ARHGAP31: variants seen among roughly 807,000 people sequenced by gnomAD.
ARHGAP31 encodes the protein rho GTPase-activating protein 31.
A neutral mutation model predicts 113.9 loss-of-function variants in ARHGAP31; 34 were observed. That is an observed-to-expected ratio of 0.30 (90% CI 0.23 to 0.40). The LOEUF is 0.40. Among genes scored for constraint, ARHGAP31 ranks in the 10% least tolerant of loss-of-function variants. The pLI, the probability that ARHGAP31 is intolerant of heterozygous loss-of-function variation, is 1.00. For synonymous variants in ARHGAP31, 650 were observed against 684.8 expected (o/e 0.95, Z 0.79); for missense variants, 1,548 against 1,767.1 (o/e 0.88, Z 2.22).
intron 1 of ARHGAP31, among the ~76,000 whole-genome samples, chr3:119,361,788 A>T (rs2080209440): frequency 6.6e-6 from 1 of 152,222 alleles, no homozygotes; most frequent in African/African-American, 2.4e-5. Flanking sequence ...CTAGAGCTGG[A>T]TGATTACACA....
chr3:119,339,611 C>T (rs1184301857), intron 1 of ARHGAP31, among the ~76,000 whole-genome samples: 2 of 152,068 alleles, frequency 1.3e-5, no homozygotes, highest in Admixed American at 1.3e-4. Context: ...GCCGCATCTC[C>T]GACCCCACAC....
At chr3:119,401,533 T>A (rs894090678) in intron 9 of ARHGAP31, among the ~76,000 whole-genome samples, 1 of 152,218 alleles carries the variant, frequency 6.6e-6, no homozygotes, top group African/African-American at 2.4e-5. Context: ...TTAGCAACTT[T>A]AGCAGTAATC....
chr3:119,295,578 C>A lies in ARHGAP31; in HGVS notation c.100+574C>A, dbSNP rs556336506. Among the ~76,000 whole-genome samples the A allele has an allele frequency of 2.5e-3, 381 of 152,174 alleles. 2 individuals are homozygous for A. The highest frequency in any genetic ancestry group is 3.4e-3 in the Non-Finnish European group (231 of 67,998). ...TGCCAAATATATAGTACCTCCACCC[C>A]CTTTCCACAACCCCCTCCCCGCCCT... is the stretch of plus-strand genomic sequence containing the variant. On this transcript the variant is annotated intron_variant, in intron 1 of 11. Coordinates refer to ENST00000264245, the MANE Select transcript of ARHGAP31 (RefSeq NM_020754.4).
intron 1 of ARHGAP31, among the ~76,000 whole-genome samples, chr3:119,345,737 G>A (rs1559974588): frequency 6.6e-6 from 1 of 152,170 alleles, no homozygotes; most frequent in Non-Finnish European, 1.5e-5. Flanking sequence ...GAGCGGACCT[G>A]GACAGGGACC....
Position 119,419,762 on chromosome 3 carries a change from C to T in ARHGAP31, c.*3498C>T, listed in dbSNP as rs934346475. 2 of 152,176 alleles carry T rather than the reference C, an allele frequency of 1.3e-5. No individual in the cohort carries two copies. Among genetic ancestry groups the T allele is most frequent in the African/African-American group, 4.8e-5 (2 of 41,448 alleles). 9.4% of individuals were successfully genotyped at this position (152,176 alleles called of 1,614,324 possible). On this transcript the variant is annotated 3_prime_UTR_variant, in exon 12 of 12. Transcript: ENST00000264245. ...CACAATTGCAAATCCAATAGAACAT[C>T]CCAGTGAGACACTCGGGTATTTGAG...
At chr3:119,390,225 C>A (rs1387801864) in intron 6 of ARHGAP31, among the ~76,000 whole-genome samples, 1 of 152,066 alleles carries the variant, frequency 6.6e-6, no homozygotes, top group African/African-American at 2.4e-5. Flanking sequence ...AGTAAAAAAA[C>A]CACAGGAAAT....
chr3:119,302,887 A>T (rs71325372), intron 1 of ARHGAP31, among the ~76,000 whole-genome samples: 1 of 152,218 alleles, frequency 6.6e-6, no homozygotes, highest in Admixed American at 6.5e-5. Flanking sequence ...ATAACGATGG[A>T]CATTTGCATA....
intron 7 of ARHGAP31, among the ~76,000 whole-genome samples, chr3:119,392,546 C>T (rs1283158574): frequency 6.6e-6 from 1 of 152,238 alleles, no homozygotes; most frequent in Non-Finnish European, 1.5e-5. Context: ...CCACAGATTG[C>T]AGGTTTTCAT....
chr3:119,349,892 T>C (rs944528764), intron 1 of ARHGAP31, among the ~76,000 whole-genome samples: 7 of 152,194 alleles, frequency 4.6e-5, no homozygotes, highest in Admixed American at 2.0e-4. Context: ...CCTGCTTCCA[T>C]TTCCACTATT....
At chr3:119,334,254 C>A (rs896725331) in intron 1 of ARHGAP31, among the ~76,000 whole-genome samples, 1 of 152,178 alleles carries the variant, frequency 6.6e-6, no homozygotes, top group Non-Finnish European at 1.5e-5. Context: ...CTCCAGCCCC[C>A]ACCCTGTCCT....
intron 1 of ARHGAP31, among the ~76,000 whole-genome samples, chr3:119,307,662 TA>T (rs1466097341): frequency 6.6e-6 from 1 of 152,046 alleles, no homozygotes; most frequent in African/African-American, 2.4e-5. Flanking sequence ...GAAAATAATC[TA>T]AAAATAATTC....
At chr3:119,356,742 C>T (rs2080162044) in intron 1 of ARHGAP31, among the ~76,000 whole-genome samples, 1 of 152,154 alleles carries the variant, frequency 6.6e-6, no homozygotes, top group East Asian at 1.9e-4. Flanking sequence ...AAAGTTTTCT[C>T]ATTCTTTTTA....
chr3:119,337,310 T>TA (rs1298743694), intron 1 of ARHGAP31, among the ~76,000 whole-genome samples: 1 of 152,164 alleles, frequency 6.6e-6, no homozygotes, highest in African/African-American at 2.4e-5. Flanking sequence ...CGTTGAGTGT[T>TA]ACAGTTCATA....
At chr3:119,360,981 A>G (rs974640960) in intron 1 of ARHGAP31, among the ~76,000 whole-genome samples, 20 of 152,214 alleles carry the variant, frequency 1.3e-4, no homozygotes, top group Admixed American at 1.2e-3. Flanking sequence ...AGTCCTTCCC[A>G]TGCCTAAATC....
At chr3:119,381,337 G>A (rs138030645) in intron 4 of ARHGAP31, among the ~76,000 whole-genome samples, 137 of 152,216 alleles carry the variant, frequency 9.0e-4, no homozygotes, top group African/African-American at 3.2e-3. Context: ...TTTCAACAGG[G>A]GTTGACTGTG....
chr3:119,367,229 C>T (rs1194427673), intron 2 of ARHGAP31, among the ~76,000 whole-genome samples: 1 of 152,168 alleles, frequency 6.6e-6, no homozygotes, highest in Non-Finnish European at 1.5e-5. Flanking sequence ...GGGCAGCGAG[C>T]TGTTTCAAAA....
chr3:119,311,283 C>G (rs2107597571), intron 1 of ARHGAP31, among the ~76,000 whole-genome samples: 1 of 152,322 alleles, frequency 6.6e-6, no homozygotes, highest in African/African-American at 2.4e-5. Flanking sequence ...TGGTTTGTTT[C>G]TGCAGGCTCT....
chr3:119,362,767 T>TA (rs746820025), intron 1 of ARHGAP31, among the ~76,000 whole-genome samples: 2,071 of 119,276 alleles, frequency 0.017, 34 homozygotes, highest in East Asian at 0.073. Flanking sequence ...AAACTCTGTC[T>TA]AAAAAAAAAA....
intron 8 of ARHGAP31, among the ~76,000 whole-genome samples, chr3:119,395,678 G>A (rs1463290525): frequency 6.6e-6 from 1 of 152,164 alleles, no homozygotes; most frequent in Admixed American, 6.5e-5. Context: ...GGTCCCTGTT[G>A]TCAATGGTGT....
Sources: gnomAD v4.1 joint callset for allele counts (sites outside exome capture counted in the v4.1 genomes callset) on GRCh38, gnomAD v4.1.1 for gene constraint, MANE v1.5 for transcripts, NCBI Gene and HGNC (gene_info 2026-07-23, HGNC 2026-07-21) for gene names.